Variants in CDK19 observed in about 807,000 individuals in gnomAD.
The protein encoded by CDK19 is cyclin dependent kinase 19.
A neutral mutation model predicts 68.3 loss-of-function variants in CDK19; 20 were observed. The observed-to-expected ratio is 0.29, with a 90% CI of 0.21 to 0.43. The LOEUF (loss-of-function observed/expected upper bound fraction) is 0.43, where lower values mean the gene tolerates loss of function less well. Among genes scored for constraint, CDK19 ranks in the 20% least tolerant of loss-of-function variants. CDK19 has a pLI of 1.00. For missense variants in CDK19, 339 were observed against 623.5 expected (o/e 0.54, Z 4.86); for synonymous variants, 221 against 222.8 (o/e 0.99, Z 0.07).
intron 2 of CDK19, among the ~76,000 whole-genome samples, chr6:110,702,070 G>A (rs1435121667): frequency 1.3e-5 from 2 of 151,970 alleles, no homozygotes; most frequent in African/African-American, 4.8e-5. Flanking sequence ...GAACCCGGCA[G>A]GTGGAGGTTG....
intron 12 of CDK19, among the ~76,000 whole-genome samples, chr6:110,617,662 T>TACACAC (rs561387463): frequency 0.013 from 1,363 of 107,070 alleles, 25 homozygotes; most frequent in East Asian, 0.039. Flanking sequence ...TATATATATA[T>TACACAC]ACACACACAC....
At chr6:110,739,603 GTAA>G (rs1777499945) in intron 2 of CDK19, among the ~76,000 whole-genome samples, 1 of 151,604 alleles carries the variant, frequency 6.6e-6, no homozygotes, top group South Asian at 2.1e-4. Context: ...GTACTCAGGA[GTAA>G]TAATATTTTA....
rs980200495 is a variant in CDK19 at position 110,815,368 on chromosome 6, G to A, written c.-232C>T. ...CTCCTCCTCCGCGACGGCGGCGGCG[G>A]CTCCCGCAGGCACCCCCAGTCCCGC... On this transcript the variant is annotated 5_prime_UTR_variant, in exon 1 of 13. Transcript: ENST00000368911. 50 of 383,622 alleles carry A rather than the reference G, an allele frequency of 1.3e-4. No homozygotes were observed. Among genetic ancestry groups the A allele is most frequent in the African/African-American group, 3.6e-4 (17 of 47,036 alleles). The allele number at this position is 383,622 out of a possible 1,614,324, so 23.8% of individuals were successfully genotyped here.
At chr6:110,755,965 A>G (rs1778808741) in intron 1 of CDK19, among the ~76,000 whole-genome samples, 1 of 152,146 alleles carries the variant, frequency 6.6e-6, no homozygotes, top group African/African-American at 2.4e-5. Context: ...AGAAAAAAAT[A>G]TATATCTATT....
intron 1 of CDK19, among the ~76,000 whole-genome samples, chr6:110,762,407 T>C (rs1307964558): frequency 1.3e-5 from 2 of 152,204 alleles, no homozygotes; most frequent in East Asian, 1.9e-4. Flanking sequence ...GTATGCACTA[T>C]ACAAGTAGCA....
rs180934946 is a variant in CDK19, at chr6:110,796,421, G to A, written c.128+18588C>T. On this transcript the variant is annotated intron_variant, in intron 1 of 12. Transcript: ENST00000368911. ...TAATCCTAGCACTTTGGGAGGCTGA[G>A]GTGGGTGGACTGTTTGAGCTCAGGA... 3.0e-3 allele frequency among the ~76,000 whole-genome samples: 453 copies of A among 152,178 alleles called. 2 individuals are homozygous for A. The highest frequency in any genetic ancestry group is 0.011 in the African/African-American group (439 of 41,544).
At position 110,677,967 on chromosome 6, in the gene CDK19, A is replaced by G. The variant is rs73524697; in HGVS notation, c.205-7426T>C. 1.0e-2 allele frequency among the ~76,000 whole-genome samples: 1,518 copies of G among 152,218 alleles called. 18 individuals are homozygous for G. The highest frequency in any genetic ancestry group is 0.035 in the African/African-American group (1,449 of 41,512). ...TGGGCTCAAGCCATCCTCCTGCCTTAGCTTCAGTAGCTGAGACTACAGCTG... is the reference window on the plus strand; with the variant it reads ...TGGGCTCAAGCCATCCTCCTGCCTTGGCTTCAGTAGCTGAGACTACAGCTG... On this transcript the variant is annotated intron_variant, in intron 2 of 12. Coordinates refer to ENST00000368911, the MANE Select transcript of CDK19 (RefSeq NM_015076.5).
chr6:110,722,538 A>T (rs6918541), intron 2 of CDK19, among the ~76,000 whole-genome samples: 1,865 of 136,780 alleles, frequency 0.014, 32 homozygotes, highest in African/African-American at 0.049. Context: ...ATCTTTGTTT[A>T]AAAAAAAAAA....
chr6:110,716,316 A>AT (rs1371361959), intron 2 of CDK19, among the ~76,000 whole-genome samples: 7 of 151,822 alleles, frequency 4.6e-5, no homozygotes, highest in Non-Finnish European at 5.9e-5. Context: ...TTCTATATAT[A>AT]AAAAAAAGCA....
At chr6:110,643,465 G>T (rs760561752) in intron 4 of CDK19, among the ~76,000 whole-genome samples, 1 of 152,130 alleles carries the variant, frequency 6.6e-6, no homozygotes, top group Non-Finnish European at 1.5e-5. Flanking sequence ...GACAAACTTC[G>T]TATGTTCTCA....
At chr6:110,637,816 C>T (rs1259348185) in intron 5 of CDK19, among the ~76,000 whole-genome samples, 1 of 152,074 alleles carries the variant, frequency 6.6e-6, no homozygotes, top group East Asian at 1.9e-4. Context: ...CCCATCTCTA[C>T]TAAATACACA....
chr6:110,710,628 CAG>C (rs1463320990), intron 2 of CDK19, among the ~76,000 whole-genome samples: 1 of 152,200 alleles, frequency 6.6e-6, no homozygotes, highest in Non-Finnish European at 1.5e-5. Context: ...GCCACTTCCT[CAG>C]AGACTGCCAT....
chr6:110,733,027 C>T (rs1019853135), intron 2 of CDK19, among the ~76,000 whole-genome samples: 3 of 152,148 alleles, frequency 2.0e-5, no homozygotes, highest in Admixed American at 2.0e-4. Flanking sequence ...GAGATGGCGC[C>T]ACTGCACTCC....
chr6:110,701,909 G>A (rs1201238328), intron 2 of CDK19, among the ~76,000 whole-genome samples: 14 of 151,518 alleles, frequency 9.2e-5, no homozygotes, highest in Admixed American at 7.2e-4. Context: ...TTGGGAGGCC[G>A]GGGCAGGTGG....
intron 2 of CDK19, among the ~76,000 whole-genome samples, chr6:110,725,182 G>A (rs1191984141): frequency 6.6e-6 from 1 of 152,038 alleles, no homozygotes; most frequent in East Asian, 1.9e-4. Flanking sequence ...TGGCTCTGTA[G>A]CTTTCAAAAA....
chr6:110,681,515 C>T lies in CDK19; in HGVS notation c.205-10974G>A, dbSNP rs532012108. On this transcript the variant is annotated intron_variant, in intron 2 of 12. Coordinates refer to ENST00000368911, the MANE Select transcript of CDK19 (RefSeq NM_015076.5). ...TACATACACACACCAGAAGACAGAA[C>T]TTTCCAGAAATCCACCTACCAAAAT... 4.6e-5 allele frequency among the ~76,000 whole-genome samples: 7 copies of T among 152,282 alleles called. No homozygotes were observed. The South Asian group carries it at 1.5e-3, about 32-fold the overall frequency.
At position 110,763,697 on chromosome 6, in the gene CDK19, G is replaced by A. The variant is rs1281508888; in HGVS notation, c.129-17496C>T. ...CCCAAAGTGCTGGGATTACTGGCAT[G>A]AGCCGCCACGCCCAGCCTGCTCTCA... On this transcript the variant is annotated intron_variant, in intron 1 of 12. Transcript: ENST00000368911. Among the ~76,000 whole-genome samples the A allele has an allele frequency of 3.3e-5, 5 of 151,710 alleles. No individual in the cohort carries two copies. The East Asian group carries it at 9.7e-4, about 30-fold the overall frequency.
At chr6:110,758,112 GC>G (rs2114936196) in intron 1 of CDK19, among the ~76,000 whole-genome samples, 1 of 152,194 alleles carries the variant, frequency 6.6e-6, no homozygotes, top group Non-Finnish European at 1.5e-5. Context: ...GACCGCTTGA[GC>G]CCAAGAGGTT....
chr6:110,742,233 T>C (rs560914150), intron 2 of CDK19, among the ~76,000 whole-genome samples: 63 of 152,340 alleles, frequency 4.1e-4, no homozygotes, highest in Non-Finnish European at 6.3e-4. Flanking sequence ...CACCTGTCTT[T>C]ACTGCAATCT....
Sources: gnomAD v4.1 joint callset for allele counts (sites outside exome capture counted in the v4.1 genomes callset) on GRCh38, gnomAD v4.1.1 for gene constraint, MANE v1.5 for transcripts, NCBI Gene and HGNC (gene_info 2026-07-23, HGNC 2026-07-21) for gene names.